CCDC171: variants seen among roughly 807,000 people sequenced by gnomAD.
The protein encoded by CCDC171 is coiled-coil domain-containing protein 171.
A neutral mutation model predicts 168.2 loss-of-function variants in CCDC171; 177 were observed. The ratio of observed to expected loss-of-function variants is 1.05; its 90% CI spans 0.93 to 1.19. The LOEUF (loss-of-function observed/expected upper bound fraction) is 1.19, where lower values mean the gene tolerates loss of function less well. Ranked by LOEUF, CCDC171 falls within the 50% of genes most tolerant of loss-of-function variation. The pLI is 0.00. For missense variants in CCDC171, 1,991 were observed against 1,539.0 expected, an observed-to-expected ratio of 1.29 and a Z score of -4.91; for synonymous variants, 687 against 540.8, an observed-to-expected ratio of 1.27 and a Z score of -3.75.
At chr9:15,624,346 G>C (rs1338260753) in intron 7 of CCDC171, among the ~76,000 whole-genome samples, 1 of 151,866 alleles carries the variant, frequency 6.6e-6, no homozygotes, top group South Asian at 2.1e-4. Flanking sequence ...TAAGTTCTAG[G>C]GTACATGTGC....
chr9:15,606,009 A>G (rs1483752351), intron 6 of CCDC171, among the ~76,000 whole-genome samples: 2 of 152,150 alleles, frequency 1.3e-5, no homozygotes, highest in African/African-American at 2.4e-5. Context: ...TTTTCTATAC[A>G]CACACATACC....
chr9:16,056,610 C>T (rs1021386168), intron 1 of CCDC171, among the ~76,000 whole-genome samples: 21 of 152,252 alleles, frequency 1.4e-4, no homozygotes, highest in African/African-American at 5.1e-4. Flanking sequence ...GCTTCAGCCT[C>T]CAGAGTAGCT....
At chr9:16,052,924 C>T (rs1039514606) in intron 1 of CCDC171, among the ~76,000 whole-genome samples, 6 of 152,018 alleles carry the variant, frequency 3.9e-5, no homozygotes, top group Non-Finnish European at 7.4e-5. Context: ...CCCGGCTCGC[C>T]GTTCAGCCAC....
At chr9:15,922,276 T>C in intron 25 of CCDC171, 1 of 222,310 alleles carries the variant, frequency 4.5e-6, no homozygotes, top group Non-Finnish European at 1.0e-5. Context: ...TTCCCTTAGT[T>C]GAGAATCACT....
rs764653786 is a variant in CCDC171 at position 15,594,103 on chromosome 9, A to G, written c.606A>G (p.Ala202=). ...NEMESHIRET[A]LEEFRLQEEQ... is the part of the protein sequence containing the mutation. Reference sequence around the variant, plus strand: ...TGGAGTCTCATATCAGGGAGACAGCATTGGAGGAGTTTAGATTACAAGAAG... The same window carrying G: ...TGGAGTCTCATATCAGGGAGACAGCGTTGGAGGAGTTTAGATTACAAGAAG... Residue 202 remains alanine (A), a synonymous_variant, in exon 6 of 26, where the codon GCA becomes GCG. Transcript: ENST00000380701. 1.3e-6 allele frequency: 2 copies of G among 1,557,182 alleles called. No homozygotes were observed. The highest frequency in any genetic ancestry group is 4.5e-5 in the East Asian group (2 of 44,148).
chr9:15,860,936 A>ATGTGTGTGTGTGTGTGTGTGTGTGTG (rs770617574), intron 23 of CCDC171, among the ~76,000 whole-genome samples: 67 of 144,258 alleles, frequency 4.6e-4, no homozygotes, highest in African/African-American at 1.1e-3. Flanking sequence ...GTTGTTAGGG[A>ATGTGTGTGTGTGTGTGTGTGTGTGTG]TGTGTGTGTG....
chr9:15,584,966 G>A lies in CCDC171; in HGVS notation c.352+5943G>A, dbSNP rs151206171. The stretch of plus-strand genomic sequence containing the variant: ...AACAGACATTCTACAGAGTAAGATA[G>A]AGAGATGACTATTAATCAGAGGAAA... On this transcript the variant is annotated intron_variant, in intron 4 of 25. Transcript: ENST00000380701. Among the ~76,000 whole-genome samples the A allele has an allele frequency of 4.7e-4, 72 of 152,330 alleles. 1 individual carries two copies. Among genetic ancestry groups the A allele is most frequent in the African/African-American group, 1.6e-3 (68 of 41,580 alleles).
intron 2 of CCDC171, among the ~76,000 whole-genome samples, chr9:15,570,786 C>A (rs2040162541): frequency 6.6e-6 from 1 of 152,122 alleles, no homozygotes; most frequent in Non-Finnish European, 1.5e-5. Flanking sequence ...GCGCTCTTTC[C>A]TTATATAACT....
chr9:15,700,715 GT>G (rs1176634282), intron 11 of CCDC171, among the ~76,000 whole-genome samples: 2 of 151,770 alleles, frequency 1.3e-5, no homozygotes, highest in African/African-American at 4.8e-5. Flanking sequence ...TAAACTCTTG[GT>G]CTCAAGCAGT....
In CCDC171 at chr9:15,784,602, C is replaced by T; in HGVS notation, c.3175C>T (p.Gln1059Ter). 6.2e-7 allele frequency: 1 copy of T among 1,613,040 alleles called. No individual in the cohort carries two copies. The highest frequency in any genetic ancestry group is 2.2e-5 in the East Asian group (1 of 44,828). The stretch of plus-strand genomic sequence containing the variant: ...GCAGGCACAAATGCTATTGAATGAA[C>T]AGGCACAACAACTACAGGAATTGAA... ...EEQAQMLLNEQAQQLQELNYK... is the reference protein window; with the variant it reads ...EEQAQMLLNE The change falls in exon 21 of 26, where the codon CAG becomes TAG. Residue 1059 changes from glutamine to a stop codon, truncating the protein, a stop_gained. Transcript: ENST00000380701. LOFTEE classifies it high-confidence loss of function.
At chr9:15,671,386 A>G (rs1387306398) in intron 9 of CCDC171, among the ~76,000 whole-genome samples, 1 of 151,842 alleles carries the variant, frequency 6.6e-6, no homozygotes, top group Non-Finnish European at 1.5e-5. Flanking sequence ...TCTAGGATAC[A>G]TGTATACAAC....
chr9:16,039,754 T>A (rs550135610), upstream of CCDC171, among the ~76,000 whole-genome samples: 15 of 152,240 alleles, frequency 9.9e-5, no homozygotes, highest in African/African-American at 3.6e-4. Flanking sequence ...GTCCCTCTTC[T>A]TGGAAATCAT....
At chr9:15,707,133 C>G (rs2052307658) in intron 11 of CCDC171, among the ~76,000 whole-genome samples, 1 of 152,168 alleles carries the variant, frequency 6.6e-6, no homozygotes, top group African/African-American at 2.4e-5. Flanking sequence ...ACCGTTTCCT[C>G]TGTTGTCATT....
chr9:15,875,133 A>C (rs942898693), intron 24 of CCDC171: 4 of 152,118 alleles, frequency 2.6e-5, no homozygotes, highest in Non-Finnish European at 4.4e-5. Flanking sequence ...TTTCTTATGA[A>C]GTAATTTAAT....
At chr9:15,586,950 G>T (rs1253385835) in intron 4 of CCDC171, among the ~76,000 whole-genome samples, 1 of 152,052 alleles carries the variant, frequency 6.6e-6, no homozygotes, top group Admixed American at 6.6e-5. Context: ...TAGGACTATA[G>T]GTGTATGCCA....
At chr9:15,959,825 G>T (rs1002615117) in intron 25 of CCDC171, among the ~76,000 whole-genome samples, 8 of 152,112 alleles carry the variant, frequency 5.3e-5, no homozygotes, top group African/African-American at 1.4e-4. Flanking sequence ...TTAGAAAAAG[G>T]GCCTACAGGT....
chr9:15,759,141 C>T (rs187457192), intron 18 of CCDC171, among the ~76,000 whole-genome samples: 271 of 152,248 alleles, frequency 1.8e-3, no homozygotes, highest in Non-Finnish European at 2.4e-3. Context: ...TCCTTTCCTC[C>T]TATCCATCCA....
intron 16 of CCDC171, among the ~76,000 whole-genome samples, chr9:15,743,998 A>G (rs1027322535): frequency 6.6e-6 from 1 of 152,216 alleles, no homozygotes; most frequent in Non-Finnish European, 1.5e-5. Flanking sequence ...ATAAGTCTAC[A>G]GGAAATATAT....
chr9:15,790,679 T>G (rs1434221306), intron 21 of CCDC171, among the ~76,000 whole-genome samples: 1 of 152,230 alleles, frequency 6.6e-6, no homozygotes, highest in African/African-American at 2.4e-5. Flanking sequence ...CCCATGCCTA[T>G]GTCCTGAATG....
Sources: gnomAD v4.1 joint callset for allele counts (sites outside exome capture counted in the v4.1 genomes callset) on GRCh38, gnomAD v4.1.1 for gene constraint, MANE v1.5 for transcripts, NCBI Gene and HGNC (gene_info 2026-07-23, HGNC 2026-07-21) for gene names.